The following IL1RAPL1 variants were observed in gnomAD, a reference collection of about 807,000 sequenced individuals.
IL1RAPL1 encodes interleukin 1 receptor accessory protein like 1, also known as interleukin-1 receptor accessory protein-like 1.
In IL1RAPL1, 3 loss-of-function variants were observed where a neutral mutation model predicts 48.4. The ratio of observed to expected loss-of-function variants is 0.06; its 90% confidence interval spans 0.03 to 0.16. IL1RAPL1 has a LOEUF of 0.16. IL1RAPL1 is among the 10% of genes least tolerant of loss of function. The pLI is 1.00. For missense variants in IL1RAPL1, 349 were observed against 530.6 expected, an observed-to-expected ratio of 0.66 and a Z score of 3.36; for synonymous variants, 185 against 187.7, an observed-to-expected ratio of 0.99 and a Z score of 0.12.
chrX:29,402,779 T>C (rs1349752520), intron 5 of IL1RAPL1, among the ~76,000 whole-genome samples: 2 of 75,051 alleles, frequency 2.7e-5, no homozygotes, highest in Non-Finnish European at 5.5e-5. Context: ...GTTGTGACTG[T>C]TTTACATTTT....
At chrX:29,205,188 C>G (rs1930638481) in intron 2 of IL1RAPL1, among the ~76,000 whole-genome samples, 1 of 111,693 alleles carries the variant, frequency 9.0e-6, no homozygotes, top group Admixed American at 9.6e-5. Context: ...TCAGAGGAGA[C>G]TGACAAAAGT....
chrX:29,223,015 C>G (rs749961707), intron 2 of IL1RAPL1, among the ~76,000 whole-genome samples: 15 of 111,126 alleles, frequency 1.3e-4, no homozygotes, highest in Admixed American at 3.9e-4. Context: ...ATAAATCACT[C>G]TCCACCAAAA....
At chrX:29,292,758 T>G (rs941856910) in intron 3 of IL1RAPL1, among the ~76,000 whole-genome samples, 4 of 110,708 alleles carry the variant, frequency 3.6e-5, no homozygotes, top group African/African-American at 1.3e-4. Context: ...CTCTCTTAAT[T>G]GAAACCATAG....
chrX:29,811,440 G>GT (rs749611607), intron 6 of IL1RAPL1, among the ~76,000 whole-genome samples: 1,566 of 97,741 alleles, frequency 0.016, 24 homozygotes, highest in African/African-American at 0.042. Context: ...GCCTTTTCAC[G>GT]TTTTTTTTTT....
At chrX:29,475,140 C>T (rs1934959609) in intron 5 of IL1RAPL1, among the ~76,000 whole-genome samples, 1 of 111,670 alleles carries the variant, frequency 9.0e-6, no homozygotes, top group African/African-American at 3.3e-5. Context: ...CAAAGAGTTG[C>T]TTTCATTGTT....
intron 1 of IL1RAPL1, among the ~76,000 whole-genome samples, chrX:28,674,401 T>C (rs1323102528): frequency 8.9e-6 from 1 of 111,798 alleles, no homozygotes; most frequent in Non-Finnish European, 1.9e-5. Flanking sequence ...ATTAAGTATC[T>C]ATTTTGTGTC....
chrX:28,900,609 T>C (rs745552755), intron 2 of IL1RAPL1, among the ~76,000 whole-genome samples: 1 of 112,506 alleles, frequency 8.9e-6, no homozygotes, highest in Non-Finnish European at 1.9e-5. Flanking sequence ...TAATTGACAA[T>C]GTTTTAAAAG....
intron 2 of IL1RAPL1, among the ~76,000 whole-genome samples, chrX:28,836,336 TTATATA>T (rs34343530): frequency 4.7e-5 from 4 of 85,325 alleles, no homozygotes; most frequent in East Asian, 3.4e-4. Flanking sequence ...CTTCCCAATT[TTATATA>T]TATATATATA....
intron 2 of IL1RAPL1, among the ~76,000 whole-genome samples, chrX:29,247,633 T>C (rs1931538627): frequency 9.1e-6 from 1 of 109,992 alleles, no homozygotes; most frequent in African/African-American, 3.3e-5. Context: ...ATTACAAAAA[T>C]TAGCTGGGTG....
At chrX:29,002,942 C>CACAT (rs3078483) in intron 2 of IL1RAPL1, among the ~76,000 whole-genome samples, 1 of 110,071 alleles carries the variant, frequency 9.1e-6, no homozygotes, top group African/African-American at 3.3e-5. Context: ...CACACACACA[C>CACAT]GATCTCATAG....
intron 1 of IL1RAPL1, among the ~76,000 whole-genome samples, chrX:28,716,763 A>G (rs73531795): frequency 0.011 from 1,202 of 111,658 alleles, 12 homozygotes; most frequent in African/African-American, 0.037. Flanking sequence ...TTTGCAAACT[A>G]TGCTTCCAAC....
intron 2 of IL1RAPL1, among the ~76,000 whole-genome samples, chrX:29,248,674 T>C (rs1198635066): frequency 8.9e-6 from 1 of 112,207 alleles, no homozygotes; most frequent in Non-Finnish European, 1.9e-5. Context: ...TAAAAAATGG[T>C]ATAGAGAATT....
intron 5 of IL1RAPL1, among the ~76,000 whole-genome samples, chrX:29,439,851 G>GTTTTTTTTTTTTTTTTTTTTTGTT (rs760458968): frequency 1.7e-5 from 1 of 59,865 alleles, no homozygotes; most frequent in African/African-American, 7.1e-5. Flanking sequence ...TGTTTGTTTG[G>GTTTTTTTTTTTTTTTTTTTTTGTT]TTTTTTTTTT....
At chrX:28,613,031 G>C (rs1425713065) in intron 1 of IL1RAPL1, among the ~76,000 whole-genome samples, 4 of 111,835 alleles carry the variant, frequency 3.6e-5, no homozygotes, top group African/African-American at 1.3e-4. Context: ...ATAGATCTAT[G>C]ATGATTAACT....
intron 6 of IL1RAPL1, among the ~76,000 whole-genome samples, chrX:29,763,369 G>C (rs1030715216): frequency 1.8e-5 from 2 of 111,512 alleles, no homozygotes; most frequent in African/African-American, 6.5e-5. Context: ...TGGCATTAGA[G>C]AGAAGCAGAA....
chrX:29,329,308 C>T lies in IL1RAPL1; in HGVS notation c.362+46091C>T, dbSNP rs150351706. On this transcript the variant is annotated intron_variant, in intron 3 of 10. Transcript: ENST00000378993. ...ATATACTTACAAACATATTTAAATT[C>T]TTATGTAATCCCATTTGACCCAGCA... is the stretch of plus-strand genomic sequence containing the variant. Among the ~76,000 whole-genome samples the T allele has an allele frequency of 9.7e-3, 1,081 of 111,465 alleles. 10 individuals are homozygous for T. Among genetic ancestry groups the T allele is most frequent in the African/African-American group, 0.032 (988 of 30,691 alleles).
At chrX:29,071,204 A>T (rs1421975809) in intron 2 of IL1RAPL1, among the ~76,000 whole-genome samples, 1 of 111,855 alleles carries the variant, frequency 8.9e-6, no homozygotes, top group Non-Finnish European at 1.9e-5. Flanking sequence ...TGAGAAAGCG[A>T]TCCTGATTCT....
chrX:29,049,787 A>T (rs906003942), intron 2 of IL1RAPL1, among the ~76,000 whole-genome samples: 1 of 112,594 alleles, frequency 8.9e-6, no homozygotes, highest in Non-Finnish European at 1.9e-5. Flanking sequence ...TTACAAAAAC[A>T]TTGCAAAGAT....
Position 29,955,279 on chromosome X carries a change from G to A in IL1RAPL1, c.1550G>A (p.Gly517Glu). ...CTAATTGAATGCAGTGAACTGAGAG[G>A]AATTATGAACTACCAGGAGGTGGAG... Reference protein sequence around the residue: ...VILIECSELRGIMNYQEVEAL... With the variant: ...VILIECSELREIMNYQEVEAL... The change falls in exon 11 of 11, where the codon GGA becomes GAA. Residue 517 changes from glycine to glutamate, a missense_variant. Physicochemically the swap from Gly to Glu is moderately conservative, Grantham distance 98 (BLOSUM62 -2). Around this residue, in one of 3 missense-constraint regions of IL1RAPL1, gnomAD observed 46 missense variants for 113.3 expected, o/e 0.41. Coordinates refer to ENST00000378993, the MANE Select transcript of IL1RAPL1 (RefSeq NM_014271.4). 8.3e-7 allele frequency: 1 copy of A among 1,211,529 alleles called. No individual in the cohort carries two copies. The highest frequency in any genetic ancestry group is 1.7e-5 in the African/African-American group (1 of 57,722).
Sources: gnomAD v4.1 joint callset for allele counts (sites outside exome capture counted in the v4.1 genomes callset) on GRCh38, gnomAD v4.1.1 for gene constraint, gnomAD v4.1.1 regional missense constraint, MANE v1.5 for transcripts, NCBI Gene and HGNC (gene_info 2026-07-23, HGNC 2026-07-21) for gene names.